TMEM242: variants seen among roughly 807,000 people sequenced by gnomAD.
The protein encoded by TMEM242 is UPF0463 transmembrane protein C6orf35.
A neutral mutation model predicts 18.2 loss-of-function variants in TMEM242; 10 were observed. The ratio of observed to expected loss-of-function variants is 0.55; its 90% confidence interval spans 0.34 to 0.93. The LOEUF (loss-of-function observed/expected upper bound fraction) is 0.93, where lower values mean the gene tolerates loss of function less well. TMEM242 is among the 40% of genes least tolerant of loss of function. The pLI is 0.02. For missense variants in TMEM242, 186 were observed against 175.5 expected (o/e 1.06, Z -0.34); for synonymous variants, 57 against 69.9 (o/e 0.81, Z 0.92).
intron 3 of TMEM242, chr6:157,300,035 C>A: frequency 1.1e-6 from 1 of 933,250 alleles, no homozygotes. Context: ...GAGCGGCATG[C>A]GCGCTGCCTG....
At chr6:157,315,025 ATC>A (rs1554250202) in intron 3 of TMEM242, among the ~76,000 whole-genome samples, 1 of 152,238 alleles carries the variant, frequency 6.6e-6, no homozygotes, top group African/African-American at 2.4e-5. Flanking sequence ...AGTTGATTTT[ATC>A]TAGAATGATC....
At chr6:157,312,868 C>G (rs62425590) in intron 3 of TMEM242, among the ~76,000 whole-genome samples, 1 of 137,992 alleles carries the variant, frequency 7.2e-6, no homozygotes, top group Non-Finnish European at 1.6e-5. Flanking sequence ...CATAGTGTCC[C>G]AGTGTGCACT....
At position 157,322,768 on chromosome 6, in the gene TMEM242, C is replaced by T; in HGVS notation, c.126G>A (p.Met42Ile). The change falls in exon 2 of 4, where the codon ATG becomes ATA. Residue 42 changes from methionine (M) to isoleucine (I), a missense_variant. Met to Ile is a conservative substitution (Grantham distance 10). Transcript: ENST00000400788. The part of the protein sequence containing the change: ...IFLGTVAAAG[M>I]LAGFITTLSL... The stretch of plus-strand genomic sequence containing the variant: ...ATAATGTTGTAATAAATCCAGCTAG[C>T]ATTCCCGCTGCAGCAACGGTACCAA... The T allele has an allele frequency of 6.2e-7, 1 of 1,613,944 alleles. No homozygotes were observed. The highest frequency in any genetic ancestry group is 8.5e-7 in the Non-Finnish European group (1 of 1,179,940).
intron 3 of TMEM242, among the ~76,000 whole-genome samples, chr6:157,306,178 C>G (rs1361068639): frequency 6.6e-6 from 1 of 152,124 alleles, no homozygotes; most frequent in African/African-American, 2.4e-5. Context: ...GCAGCATGGA[C>G]CTTTTATCTC....
At chr6:157,294,551 C>T (rs1455190093) in intron 3 of TMEM242, among the ~76,000 whole-genome samples, 9 of 151,562 alleles carry the variant, frequency 5.9e-5, no homozygotes, top group East Asian at 1.9e-4. Flanking sequence ...GGGGTTTCAC[C>T]GTTTTAGCCG....
intron 3 of TMEM242, among the ~76,000 whole-genome samples, chr6:157,310,883 T>A (rs1583563398): frequency 6.6e-6 from 1 of 151,430 alleles, no homozygotes; most frequent in Non-Finnish European, 1.5e-5. Flanking sequence ...TGCCCCAGTG[T>A]GCACTCACCT....
intron 3 of TMEM242, among the ~76,000 whole-genome samples, chr6:157,294,816 C>T (rs956369010): frequency 6.6e-6 from 1 of 152,176 alleles, no homozygotes; most frequent in Non-Finnish European, 1.5e-5. Flanking sequence ...CAAACTGTAG[C>T]ACTGCTGTCA....
chr6:157,308,141 A>C (rs1554248052), intron 3 of TMEM242, among the ~76,000 whole-genome samples: 1 of 152,240 alleles, frequency 6.6e-6, no homozygotes, highest in South Asian at 2.1e-4. Context: ...ATCAAAGTTA[A>C]ACATTTCTAA....
rs782463211 is a variant in TMEM242 at position 157,289,101 on chromosome 6, A to T, written c.*3800T>A. 6.6e-6 allele frequency among the ~76,000 whole-genome samples: 1 copy of T among 151,240 alleles called. No individual in the cohort carries two copies. Among genetic ancestry groups the T allele is most frequent in the Non-Finnish European group, 1.5e-5 (1 of 67,984 alleles). On this transcript the variant is annotated 3_prime_UTR_variant, in exon 4 of 4. Coordinates refer to ENST00000400788, the MANE Select transcript of TMEM242 (RefSeq NM_018452.6). ...GATCATGCCTCATCAAACAGTAATG[A>T]AACAAAGGCCTCGAGCCAGCTTCTC... is the stretch of plus-strand genomic sequence containing the variant.
chr6:157,323,077 C>G (rs2128418232), intron 1 of TMEM242, among the ~76,000 whole-genome samples: 1 of 152,290 alleles, frequency 6.6e-6, no homozygotes, highest in East Asian at 1.9e-4. Flanking sequence ...CCCCTCTCCC[C>G]TGGGACCACA....
chr6:157,297,803 A>T (rs150927711), intron 3 of TMEM242, among the ~76,000 whole-genome samples: 5,467 of 152,326 alleles, frequency 0.036, 141 homozygotes, highest in Non-Finnish European at 0.056. Flanking sequence ...GTATTTGAAC[A>T]TACCGTATTA....
At chr6:157,312,660 G>GT in intron 3 of TMEM242, among the ~76,000 whole-genome samples, 1 of 137,870 alleles carries the variant, frequency 7.3e-6, no homozygotes, top group South Asian at 2.4e-4. Context: ...TCATCATAGT[G>GT]CCCCAGGGTG....
chr6:157,311,331 C>A (rs369182733), intron 3 of TMEM242, among the ~76,000 whole-genome samples: 1 of 139,100 alleles, frequency 7.2e-6, no homozygotes, highest in Admixed American at 7.2e-5. Flanking sequence ...CACCTAGCCT[C>A]ATCATAGTGT....
intron 3 of TMEM242, among the ~76,000 whole-genome samples, chr6:157,310,763 C>A (rs587717481): frequency 3.8e-5 from 5 of 130,494 alleles, no homozygotes; most frequent in South Asian, 2.6e-4. Context: ...CACCCGGCCT[C>A]ATCATAGGGT....
In TMEM242 at chr6:157,312,548, T is replaced by A. The variant is rs1381522960; in HGVS notation, c.327+6234A>T. Among the ~76,000 whole-genome samples, 32 of 124,784 alleles carry A rather than the reference T, an allele frequency of 2.6e-4. 1 individual carries two copies. The highest frequency in any genetic ancestry group is 5.7e-4 in the Admixed American group (7 of 12,212). The allele number at this position is 124,784 out of a possible 152,430, so 81.9% of individuals were successfully genotyped here. A position where few individuals can be genotyped will look rare whatever the true frequency, so the allele number is the denominator to read the frequency against. On this transcript the variant is annotated intron_variant, in intron 3 of 3. Transcript: ENST00000400788. ...CGCCCCAGTGTGCACTCAGCTAGCC[T>A]CATCATAGTGCCCCAGTGTACGCTC... is the stretch of plus-strand genomic sequence containing the variant.
chr6:157,300,897 T>C (rs1777821166), intron 3 of TMEM242, among the ~76,000 whole-genome samples: 1 of 152,198 alleles, frequency 6.6e-6, no homozygotes, highest in Admixed American at 6.5e-5. Context: ...AATGGCAAGT[T>C]TCAACCAATG....
Position 157,322,701 on chromosome 6 carries a change from C to T in TMEM242, c.189+4G>A. ...TGCTATGAATGGATTTCAGTGTCAC[C>T]AACCTTATTGAACCATTCAGGGCTT... On this transcript the variant is annotated splice_donor_region_variant and intron_variant, in intron 2 of 3. Coordinates refer to ENST00000400788, the MANE Select transcript of TMEM242 (RefSeq NM_018452.6). 1 of 1,608,654 alleles carries T rather than the reference C, an allele frequency of 6.2e-7. No individual in the cohort carries two copies.
intron 3 of TMEM242, among the ~76,000 whole-genome samples, chr6:157,315,870 T>A (rs1344150425): frequency 1.3e-5 from 2 of 152,214 alleles, no homozygotes; most frequent in Non-Finnish European, 2.9e-5. Context: ...GATATACCAC[T>A]GTGTGAAATA....
At chr6:157,317,537 T>C (rs1554250458) in intron 3 of TMEM242, among the ~76,000 whole-genome samples, 2 of 152,226 alleles carry the variant, frequency 1.3e-5, no homozygotes, top group African/African-American at 4.8e-5. Flanking sequence ...TTCACTGCCT[T>C]GGTGAGTTAA....
Sources: gnomAD v4.1 joint callset for allele counts (sites outside exome capture counted in the v4.1 genomes callset) on GRCh38, gnomAD v4.1.1 for gene constraint, MANE v1.5 for transcripts, NCBI Gene and HGNC (gene_info 2026-07-23, HGNC 2026-07-21) for gene names.